Variants in CASP9 observed in about 807,000 individuals in gnomAD.
CASP9 encodes caspase-9.
In CASP9, 29 loss-of-function variants were observed where a neutral mutation model predicts 43.5. That is an observed-to-expected ratio of 0.67 (90% CI 0.50 to 0.91). The LOEUF is 0.91. Ranked by LOEUF, CASP9 falls within the 40% of genes least tolerant of loss-of-function variation. The pLI, the probability that CASP9 is intolerant of heterozygous loss-of-function variation, is 0.00. For missense variants in CASP9, 575 were observed against 537.4 expected, an observed-to-expected ratio of 1.07 and a Z score of -0.69; for synonymous variants, 206 against 211.9, an observed-to-expected ratio of 0.97 and a Z score of 0.24.
chr1:15,493,313 AAT>A (rs1219087054), intron 8 of CASP9: 1 of 1,329,772 alleles, frequency 7.5e-7, no homozygotes, highest in East Asian at 3.1e-5. Flanking sequence ...TCGTGGCATG[AAT>A]ACCTGAGCAG....
intron 2 of CASP9, 42 bp downstream of exon 2, chr1:15,518,065 GACT>G: frequency 6.3e-7 from 1 of 1,598,218 alleles, no homozygotes; most frequent in Non-Finnish European, 8.6e-7. Context: ...AGTCCCAAAT[GACT>G]ACGTGTCATG....
At chr1:15,521,135 C>T (rs563367299) in intron 1 of CASP9, among the ~76,000 whole-genome samples, 2 of 130,826 alleles carry the variant, frequency 1.5e-5, no homozygotes, top group African/African-American at 3.0e-5. Flanking sequence ...CCAGCCTGGG[C>T]GACAGAGCGA....
chr1:15,495,820 A>G (rs1709086849), intron 6 of CASP9, among the ~76,000 whole-genome samples: 1 of 152,222 alleles, frequency 6.6e-6, no homozygotes, highest in Admixed American at 6.5e-5. Flanking sequence ...GCACAAATGC[A>G]TATCTGATTA....
upstream of CASP9, chr1:15,524,821 TC>T (rs1710388250): frequency 2.3e-6 from 2 of 872,340 alleles, no homozygotes; most frequent in Non-Finnish European, 2.6e-6. Flanking sequence ...CAGGATTCGC[TC>T]TGCGTCATCG....
Position 15,505,978 on chromosome 1 carries a change from G to A in CASP9, c.720+12C>T. On this transcript the variant is annotated intron_variant, in intron 5 of 8. Coordinates refer to ENST00000333868, the MANE Select transcript of CASP9 (RefSeq NM_001229.5). ...CCAATGCCTGCCCAGGGAACAGTGG[G>A]AGGCTTCCTACCTGACAGCCGTGAG... The A allele has an allele frequency of 6.2e-7, 1 of 1,609,080 alleles. No individual in the cohort carries two copies. The highest frequency in any genetic ancestry group is 1.1e-5 in the South Asian group (1 of 91,002).
intron 6 of CASP9, among the ~76,000 whole-genome samples, chr1:15,501,087 GA>G (rs577264916): frequency 4.0e-4 from 61 of 152,292 alleles, no homozygotes; most frequent in African/African-American, 1.4e-3. Context: ...TTCCCCACAA[GA>G]ATAAATATAC....
chr1:15,515,450 C>T (rs138371839), intron 2 of CASP9, among the ~76,000 whole-genome samples: 61 of 152,304 alleles, frequency 4.0e-4, no homozygotes, highest in African/African-American at 1.4e-3. Context: ...ACCAGGCACC[C>T]ATGAAACAGG....
intron 6 of CASP9, among the ~76,000 whole-genome samples, chr1:15,498,742 C>CTTTTTTT (rs1218849159): frequency 2.4e-5 from 2 of 83,492 alleles, no homozygotes; most frequent in Non-Finnish European, 2.1e-5. Flanking sequence ...TGAAAGTGAT[C>CTTTTTTT]TTTTTTTTTT....
intron 1 of CASP9, among the ~76,000 whole-genome samples, chr1:15,518,879 T>G (rs2901965): frequency 8.0e-4 from 93 of 115,704 alleles, no homozygotes; most frequent in African/African-American, 3.0e-3. Context: ...TTTTTGTTTT[T>G]TTTTTTTTTT....
chr1:15,493,973 A>G lies in CASP9; in HGVS notation c.1077T>C (p.Ser359=), dbSNP rs753140354. Residue 359 remains serine, a synonymous_variant, in exon 8 of 9, where the codon AGT becomes AGC. Transcript: ENST00000333868. ...PGFVSWRDPK[S]GSWYVETLDD... is the part of the protein sequence containing the mutation. ...CCAGGGTCTCAACGTACCAGGAGCC[A>G]CTCTTGGGGTCCCTCCAGGAAACAA... 1.5e-5 allele frequency: 24 copies of G among 1,600,116 alleles called. No individual in the cohort carries two copies. Among genetic ancestry groups the G allele is most frequent in the Non-Finnish European group, 2.0e-5 (24 of 1,173,054 alleles).
intron 4 of CASP9, 85 bp downstream of exon 4, chr1:15,506,814 G>A (rs1709541151): frequency 1.7e-6 from 2 of 1,194,488 alleles, no homozygotes; most frequent in Non-Finnish European, 2.4e-6. Context: ...CGCCTGGGGA[G>A]TCAGCTGGCT....
intron 1 of CASP9, among the ~76,000 whole-genome samples, chr1:15,522,816 A>G (rs1570881173): frequency 6.6e-6 from 1 of 152,248 alleles, no homozygotes; most frequent in East Asian, 1.9e-4. Context: ...ACGCCCATCC[A>G]TTGGTCCTCC....
chr1:15,507,169 C>T lies in CASP9; in HGVS notation c.454-94G>A, dbSNP rs550976159. The T allele has an allele frequency of 5.4e-6, 8 of 1,469,280 alleles. No homozygotes were observed. In the Admixed American group the frequency reaches 7.1e-5, roughly 13 times the overall value. 91.0% of individuals were successfully genotyped at this position (1,469,280 alleles called of 1,614,324 possible). On this transcript the variant is annotated intron_variant, in intron 3 of 8. Coordinates refer to ENST00000333868, the MANE Select transcript of CASP9 (RefSeq NM_001229.5). ...GGGAAGAAAACGGGGTCTGCCCTCT[C>T]GCACAAGGAGTAGCAGGGTCTCCAC...
At chr1:15,518,745 T>C (rs190812786) in intron 1 of CASP9, among the ~76,000 whole-genome samples, 2 of 152,208 alleles carry the variant, frequency 1.3e-5, no homozygotes, top group Non-Finnish European at 2.9e-5. Flanking sequence ...ATGAAGTGAA[T>C]AGCGAATTCA....
At chr1:15,503,800 G>A (rs972786256) in intron 6 of CASP9, among the ~76,000 whole-genome samples, 1 of 152,180 alleles carries the variant, frequency 6.6e-6, no homozygotes, top group African/African-American at 2.4e-5. Context: ...CCTTCTGAAT[G>A]TTCCAGTCCG....
upstream of CASP9, chr1:15,524,364 GC>G (rs1335111077): frequency 1.2e-5 from 16 of 1,374,746 alleles, 1 homozygote; most frequent in Admixed American, 6.4e-4. Context: ...CCAAGGCCTC[GC>G]CCCGCCCCCA....
upstream of CASP9, chr1:15,524,372 C>T: frequency 7.2e-7 from 1 of 1,385,298 alleles, no homozygotes; most frequent in South Asian, 1.6e-5. Flanking sequence ...TCGCCCCGCC[C>T]CCAGGAGTCG....
Position 15,493,052 on chromosome 1 carries a change from T to C in CASP9, c.1159-17A>G, listed in dbSNP as rs202206169. On this transcript the variant is annotated splice_polypyrimidine_tract_variant and intron_variant, in intron 8 of 8. Coordinates refer to ENST00000333868, the MANE Select transcript of CASP9 (RefSeq NM_001229.5). ...ATTAGCGACCTGTAAGACATGACCA[T>C]GGAGAGCTCTGTGAGTTCAGTTCTC... 3.1e-6 allele frequency: 5 copies of C among 1,613,662 alleles called. No homozygotes were observed. The highest frequency in any genetic ancestry group is 4.5e-5 in the East Asian group (2 of 44,884).
At chr1:15,516,580 G>A (rs976324356) in intron 2 of CASP9, among the ~76,000 whole-genome samples, 1 of 152,008 alleles carries the variant, frequency 6.6e-6, no homozygotes, top group Non-Finnish European at 1.5e-5. Context: ...GGCTCATGTA[G>A]TCCTCCTGCC....
Sources: allele counts gnomAD v4.1 joint callset (sites outside exome capture counted in the v4.1 genomes callset), GRCh38; gene constraint gnomAD v4.1.1; transcripts MANE v1.5; gene names NCBI Gene and HGNC (gene_info 2026-07-23, HGNC 2026-07-21).